The following EPN2 variants were observed in gnomAD, a reference collection of about 807,000 sequenced individuals.
EPN2 encodes epsin 2.
Under a neutral mutation model 61.7 loss-of-function variants are expected in EPN2, and 34 were observed. The ratio of observed to expected loss-of-function variants is 0.55; its 90% CI spans 0.42 to 0.73. The LOEUF is 0.73. EPN2 is among the 30% of genes least tolerant of loss of function. The pLI, the probability that EPN2 is intolerant of heterozygous loss-of-function variation, is 0.00. For synonymous variants in EPN2, 349 were observed against 353.6 expected, an observed-to-expected ratio of 0.99 and a Z score of 0.15; for missense variants, 714 against 839.2, an observed-to-expected ratio of 0.85 and a Z score of 1.84.
rs529112354 is a variant in EPN2 at position 19,318,568 on chromosome 17, G to T, written c.1147+5289G>T. Among the ~76,000 whole-genome samples the T allele has an allele frequency of 7.1e-3, 199 of 28,206 alleles. 2 individuals carry two copies. The highest frequency in any genetic ancestry group is 0.02 in the African/African-American group (186 of 9,272). The allele number at this position is 28,206 out of a possible 152,430, so 18.5% of individuals were successfully genotyped here. A position where few individuals can be genotyped will look rare whatever the true frequency, so the allele number is the denominator to read the frequency against. Reference sequence around the variant, plus strand: ...CCATCTCAAAAAAAAAAAAAAAAAAGAGTAGGGGGTTCTTTCTGAGCCAAA... The same window carrying T: ...CCATCTCAAAAAAAAAAAAAAAAAATAGTAGGGGGTTCTTTCTGAGCCAAA... On this transcript the variant is annotated intron_variant, in intron 7 of 10. Coordinates refer to ENST00000314728, the MANE Select transcript of EPN2 (RefSeq NM_014964.5).
intron 4 of EPN2, among the ~76,000 whole-genome samples, chr17:19,309,578 G>C (rs1394380399): frequency 1.3e-5 from 2 of 152,320 alleles, no homozygotes; most frequent in African/African-American, 4.8e-5. Context: ...GAGCACTGCA[G>C]ATCTGCCGTG....
chr17:19,280,114 C>T (rs4924779), intron 1 of EPN2: 17,115 of 152,326 alleles, frequency 0.11, 1,567 homozygotes, highest in East Asian at 0.51. Context: ...GCTAGGATTA[C>T]AGGTGTGAGC....
chr17:19,292,960 T>A (rs2045479363), intron 4 of EPN2, among the ~76,000 whole-genome samples: 1 of 152,276 alleles, frequency 6.6e-6, no homozygotes, highest in Non-Finnish European at 1.5e-5. Flanking sequence ...TACTTGACAG[T>A]TTTTGAAATT....
intron 4 of EPN2, among the ~76,000 whole-genome samples, chr17:19,289,184 A>G (rs2045435447): frequency 7.0e-6 from 1 of 142,358 alleles, no homozygotes; most frequent in Non-Finnish European, 1.5e-5. Flanking sequence ...TCCCGGGTTC[A>G]CGCCATTCTC....
At chr17:19,323,190 C>T (rs1906720486) in intron 7 of EPN2, among the ~76,000 whole-genome samples, 1 of 152,074 alleles carries the variant, frequency 6.6e-6, no homozygotes, top group Non-Finnish European at 1.5e-5. Context: ...AGTTATGGTG[C>T]TGTATGATAA....
At chr17:19,244,637 T>G (rs935501584) in intron 1 of EPN2, among the ~76,000 whole-genome samples, 1 of 152,156 alleles carries the variant, frequency 6.6e-6, no homozygotes, top group Admixed American at 6.5e-5. Flanking sequence ...ATTTTTTTTC[T>G]TCAGTGGTAA....
rs75103282 is a variant in EPN2 at position 19,263,743 on chromosome 17, C to T, written c.-293-18212C>T. ...GTAAATTATAGCTGTCACCTTGGTGCATTTGACCAGCAGCAGCTGAGTCTG... is the reference window on the plus strand; with the variant it reads ...GTAAATTATAGCTGTCACCTTGGTGTATTTGACCAGCAGCAGCTGAGTCTG... On this transcript the variant is annotated intron_variant, in intron 1 of 10. Coordinates refer to ENST00000314728, the MANE Select transcript of EPN2 (RefSeq NM_014964.5). Among the ~76,000 whole-genome samples, 9 of 152,336 alleles carry T rather than the reference C, an allele frequency of 5.9e-5. No homozygotes were observed. The East Asian group carries it at 1.7e-3, about 29-fold the overall frequency.
chr17:19,291,978 C>G (rs1035691613), intron 4 of EPN2, among the ~76,000 whole-genome samples: 7 of 152,204 alleles, frequency 4.6e-5, no homozygotes, highest in Admixed American at 2.6e-4. Context: ...TGCACTTACA[C>G]CAGACATGTA....
chr17:19,327,652 A>G (rs1389102409), intron 7 of EPN2, among the ~76,000 whole-genome samples: 1 of 152,202 alleles, frequency 6.6e-6, no homozygotes, highest in Admixed American at 6.5e-5. Context: ...AGTCTGGGTG[A>G]CAGAGTGAGA....
chr17:19,247,546 A>G (rs1197926035), intron 1 of EPN2, among the ~76,000 whole-genome samples: 1 of 152,230 alleles, frequency 6.6e-6, no homozygotes, highest in Non-Finnish European at 1.5e-5. Flanking sequence ...AGCAGGAGTT[A>G]AAGCTTGAGA....
At chr17:19,261,195 G>A (rs934903257) in intron 1 of EPN2, among the ~76,000 whole-genome samples, 1 of 152,226 alleles carries the variant, frequency 6.6e-6, no homozygotes, top group African/African-American at 2.4e-5. Context: ...TACAGGGCTT[G>A]TTCCATGTTG....
intron 4 of EPN2, among the ~76,000 whole-genome samples, chr17:19,309,270 A>G (rs1233177761): frequency 6.6e-6 from 1 of 151,016 alleles, no homozygotes; most frequent in Non-Finnish European, 1.5e-5. Context: ...AGCTGGGATT[A>G]TAGGCACACG....
At chr17:19,287,045 G>A (rs2045412139) in intron 4 of EPN2, among the ~76,000 whole-genome samples, 1 of 152,066 alleles carries the variant, frequency 6.6e-6, no homozygotes, top group Non-Finnish European at 1.5e-5. Flanking sequence ...GAGCCTTGGT[G>A]GCCAATTTTG....
At chr17:19,330,973 G>T (rs28740783) in intron 9 of EPN2, among the ~76,000 whole-genome samples, 131 of 152,352 alleles carry the variant, frequency 8.6e-4, no homozygotes, top group African/African-American at 3.1e-3. Flanking sequence ...CCAGGCTGGA[G>T]TGCACTGGTG....
rs72338416 is a variant in EPN2 at position 19,300,427 on chromosome 17, C to CTTTT, written c.767-9442_767-9439dup. ...TACATAAAAACAATAAACTGTAAAT[C>CTTTT]TTTTTTTTTTTTTTTTTTTGGAGAC... On this transcript the variant is annotated intron_variant, in intron 4 of 10. Coordinates refer to ENST00000314728, the MANE Select transcript of EPN2 (RefSeq NM_014964.5). Among the ~76,000 whole-genome samples the CTTTT allele has an allele frequency of 5.3e-3, 574 of 108,872 alleles. 28 individuals are homozygous for CTTTT. The highest frequency in any genetic ancestry group is 0.033 in the East Asian group (108 of 3,244). 71.4% of individuals were successfully genotyped at this position (108,872 alleles called of 152,430 possible). A position where few individuals can be genotyped will look rare whatever the true frequency, so the allele number is the denominator to read the frequency against.
chr17:19,246,737 C>T lies in EPN2; in HGVS notation c.-294+9206C>T, dbSNP rs1192920012. Among the ~76,000 whole-genome samples the T allele has an allele frequency of 3.6e-4, 46 of 127,086 alleles. 1 individual carries two copies. The South Asian group carries it at 6.8e-3, about 19-fold the overall frequency. 83.4% of individuals were successfully genotyped at this position (127,086 alleles called of 152,430 possible). Reference sequence around the variant, plus strand: ...AGTTGTTTTGTTTTGTTTTTTTTTTCCCCCCTGAAAGCAAGTCCTCCCTGT... The same window carrying T: ...AGTTGTTTTGTTTTGTTTTTTTTTTTCCCCCTGAAAGCAAGTCCTCCCTGT... On this transcript the variant is annotated intron_variant, in intron 1 of 10. Coordinates refer to ENST00000314728, the MANE Select transcript of EPN2 (RefSeq NM_014964.5).
At chr17:19,277,610 A>G (rs2045320350) in intron 1 of EPN2, among the ~76,000 whole-genome samples, 1 of 152,134 alleles carries the variant, frequency 6.6e-6, no homozygotes, top group African/African-American at 2.4e-5. Context: ...GTGTCAAAGT[A>G]TTGGAAGTCC....
chr17:19,258,738 G>A (rs769850627), intron 1 of EPN2, among the ~76,000 whole-genome samples: 45 of 152,128 alleles, frequency 3.0e-4, no homozygotes, highest in Non-Finnish European at 5.6e-4. Context: ...TGGACAGCGC[G>A]GTTTGTGAGA....
chr17:19,256,987 A>G (rs1057298592), intron 1 of EPN2, among the ~76,000 whole-genome samples: 1 of 152,240 alleles, frequency 6.6e-6, no homozygotes, highest in Non-Finnish European at 1.5e-5. Context: ...GAAACAAGAA[A>G]TTACAAAAGA....
Sources: gnomAD v4.1 joint callset for allele counts (sites outside exome capture counted in the v4.1 genomes callset) on GRCh38, gnomAD v4.1.1 for gene constraint, MANE v1.5 for transcripts, NCBI Gene and HGNC (gene_info 2026-07-23, HGNC 2026-07-21) for gene names.